IL7: variants seen among roughly 807,000 people sequenced by gnomAD.
IL7 encodes the protein interleukin 7.
A neutral mutation model predicts 21.6 loss-of-function variants in IL7; 3 were observed. The observed-to-expected ratio is 0.14, with a 90% CI of 0.06 to 0.36. IL7 has a LOEUF of 0.36. Ranked by LOEUF, IL7 falls within the 10% of genes least tolerant of loss-of-function variation. The probability of loss-of-function intolerance (pLI) is 1.00; values close to 1 mark genes in which losing one functional copy is unlikely to be tolerated. For missense variants in IL7, 175 were observed against 200.2 expected, an observed-to-expected ratio of 0.87 and a Z score of 0.76; for synonymous variants, 62 against 68.1, an observed-to-expected ratio of 0.91 and a Z score of 0.44.
intron 2 of IL7, among the ~76,000 whole-genome samples, chr8:78,745,994 A>G (rs1039466961): frequency 3.9e-5 from 6 of 152,070 alleles, no homozygotes; most frequent in Non-Finnish European, 7.4e-5. Flanking sequence ...GGAACTTGTG[A>G]TAGCATTTAG....
At chr8:78,675,702 T>C (rs1809556696), downstream of IL7, 1 of 1,248,276 alleles carries the variant, frequency 8.0e-7, no homozygotes, top group Non-Finnish European at 1.1e-6. Flanking sequence ...ATAATTTACC[T>C]ATAAAACTAA....
intron 3 of IL7, among the ~76,000 whole-genome samples, chr8:78,706,002 G>A (rs1810760690): frequency 6.6e-6 from 1 of 152,138 alleles, no homozygotes; most frequent in South Asian, 2.1e-4. Flanking sequence ...GAATGGATTG[G>A]GAACCTGCTT....
chr8:78,753,257 T>G (rs946489370), intron 2 of IL7, among the ~76,000 whole-genome samples: 4 of 152,214 alleles, frequency 2.6e-5, no homozygotes, highest in Non-Finnish European at 5.9e-5. Context: ...GTTTCCTGAC[T>G]TTTTAATGAT....
intron 2 of IL7, among the ~76,000 whole-genome samples, chr8:78,781,684 T>C (rs1000908880): frequency 6.6e-6 from 1 of 152,108 alleles, no homozygotes; most frequent in East Asian, 1.9e-4. Context: ...GAGAATCTGA[T>C]GATCATGTGT....
intron 3 of IL7, 79 bp downstream of exon 3, chr8:78,739,923 A>T: frequency 7.8e-7 from 1 of 1,283,124 alleles, no homozygotes; most frequent in Non-Finnish European, 1.0e-6. Context: ...TATTCATATA[A>T]TTGTCTAACA....
intron 2 of IL7, among the ~76,000 whole-genome samples, chr8:78,766,671 T>C (rs1402935607): frequency 6.6e-6 from 1 of 152,136 alleles, no homozygotes; most frequent in Admixed American, 6.6e-5. Flanking sequence ...AACTGCGTAA[T>C]ATTCCACATT....
chr8:78,773,618 G>A (rs1389457930), intron 2 of IL7, among the ~76,000 whole-genome samples: 2 of 152,134 alleles, frequency 1.3e-5, no homozygotes, highest in African/African-American at 4.8e-5. Context: ...GTAAAGAACA[G>A]ATTTTCCTTC....
chr8:78,725,617 A>C (rs1811326451), intron 3 of IL7, among the ~76,000 whole-genome samples: 1 of 152,056 alleles, frequency 6.6e-6, no homozygotes, highest in Non-Finnish European at 1.5e-5. Context: ...CAGTGGCTGT[A>C]GTAATGGGGG....
chr8:78,769,905 G>T (rs921497562), intron 2 of IL7, among the ~76,000 whole-genome samples: 2 of 152,144 alleles, frequency 1.3e-5, no homozygotes, highest in Admixed American at 1.3e-4. Flanking sequence ...TCTGATCTTT[G>T]ACAAACCTGA....
At chr8:78,725,641 A>G (rs1811326730) in intron 3 of IL7, among the ~76,000 whole-genome samples, 1 of 152,058 alleles carries the variant, frequency 6.6e-6, no homozygotes, top group Non-Finnish European at 1.5e-5. Context: ...TGTTAAAATC[A>G]TATTTTACAG....
chr8:78,698,630 T>G, intron 3 of IL7: 1 of 787,162 alleles, frequency 1.3e-6, no homozygotes, highest in Non-Finnish European at 1.8e-6. Flanking sequence ...ATTTGTCTTT[T>G]AACATTTTGC....
In IL7 at chr8:78,745,301, TATGTGTGTACAC is replaced by T. The variant is rs1321130591; in HGVS notation, c.148-5231_148-5220del. On this transcript the variant is annotated intron_variant, in intron 2 of 5. Coordinates refer to ENST00000263851, the MANE Select transcript of IL7 (RefSeq NM_000880.4). ...TTCTATTGAACTTTTTCTTTTCGTG[TATGTGTGTACAC>T]ACGTATATATACACAAACACACAAT... 2.6e-5 allele frequency among the ~76,000 whole-genome samples: 4 copies of T among 152,266 alleles called. No individual in the cohort carries two copies. In the East Asian group the frequency reaches 5.8e-4, roughly 22 times the overall value.
At chr8:78,708,218 C>A (rs528535109) in intron 3 of IL7, among the ~76,000 whole-genome samples, 1 of 152,154 alleles carries the variant, frequency 6.6e-6, no homozygotes, top group African/African-American at 2.4e-5. Context: ...TTAGTAAATG[C>A]TGTTATTTCA....
chr8:78,724,154 T>C (rs575754560), intron 3 of IL7: 2 of 152,296 alleles, frequency 1.3e-5, no homozygotes, highest in Non-Finnish European at 2.9e-5. Context: ...AGCTAGGAGC[T>C]CAGAATCCAA....
intron 4 of IL7, among the ~76,000 whole-genome samples, chr8:78,680,286 CAAAAAAAAAAAAAAAA>C (rs3070855): frequency 1.1e-5 from 1 of 88,148 alleles, no homozygotes; most frequent in Non-Finnish European, 2.2e-5. Context: ...GACTCCGTCT[CAAAAAAAAAAAAAAAA>C]AAAAAAAAAA....
chr8:78,748,736 A>C (rs1812065164), intron 2 of IL7, among the ~76,000 whole-genome samples: 1 of 152,182 alleles, frequency 6.6e-6, no homozygotes, highest in Admixed American at 6.6e-5. Flanking sequence ...AGAGAGTTAG[A>C]AGGAAAGCCA....
chr8:78,797,243 G>T (rs1196619347), intron 2 of IL7, among the ~76,000 whole-genome samples: 1 of 151,940 alleles, frequency 6.6e-6, no homozygotes, highest in Non-Finnish European at 1.5e-5. Context: ...TGGTTACTAG[G>T]AGTTCAGGGG....
At chr8:78,715,590 T>C (rs1413652661), downstream of IL7, among the ~76,000 whole-genome samples, 1 of 151,832 alleles carries the variant, frequency 6.6e-6, no homozygotes, top group Non-Finnish European at 1.5e-5. Context: ...TTAATAAGAG[T>C]TTGGAAGAAG....
At chr8:78,752,005 A>C (rs777443950) in intron 2 of IL7, among the ~76,000 whole-genome samples, 6 of 152,198 alleles carry the variant, frequency 3.9e-5, no homozygotes, top group Non-Finnish European at 7.3e-5. Flanking sequence ...TCCCACATAT[A>C]AATGACAGCA....
Sources: allele counts gnomAD v4.1 joint callset (sites outside exome capture counted in the v4.1 genomes callset), GRCh38; gene constraint gnomAD v4.1.1; transcripts MANE v1.5; gene names NCBI Gene and HGNC (gene_info 2026-07-23, HGNC 2026-07-21).